The following PKD1L1 variants were observed in gnomAD, a reference collection of about 807,000 sequenced individuals.
PKD1L1 encodes the protein polycystin 1 like 1, transient receptor potential channel interacting.
A neutral mutation model predicts 323.4 loss-of-function variants in PKD1L1; 236 were observed. The ratio of observed to expected loss-of-function variants is 0.73; its 90% CI spans 0.66 to 0.81. PKD1L1 has a LOEUF of 0.81. Ranked by LOEUF, PKD1L1 falls within the 40% of genes least tolerant of loss-of-function variation. The pLI is 0.00. For synonymous variants in PKD1L1, 1,344 were observed against 1,335.0 expected (o/e 1.01, Z -0.15); for missense variants, 3,320 against 3,508.0 (o/e 0.95, Z 1.35).
At chr7:47,842,692 C>T (rs1206963175) in intron 34 of PKD1L1, among the ~76,000 whole-genome samples, 2 of 152,158 alleles carry the variant, frequency 1.3e-5, no homozygotes, top group African/African-American at 4.8e-5. Flanking sequence ...CACTCAGAGA[C>T]AGAACATATC....
the PKD1L1 span, among the ~76,000 whole-genome samples, chr7:47,957,862 A>AATATATATAT: frequency 4.5e-5 from 6 of 134,698 alleles, no homozygotes; most frequent in African/African-American, 1.6e-4. Context: ...ATTAAAAAAA[A>AATATATATAT]ATATATATAT....
At chr7:47,811,249 G>A (rs11767512) in intron 50 of PKD1L1, among the ~76,000 whole-genome samples, 6,498 of 151,744 alleles carry the variant, frequency 0.043, 196 homozygotes, top group Non-Finnish European at 0.069. Context: ...CGCCTCCCAG[G>A]TTCAAGAAAT....
At chr7:47,868,346 G>A (rs1562965499) in intron 24 of PKD1L1, among the ~76,000 whole-genome samples, 1 of 152,086 alleles carries the variant, frequency 6.6e-6, no homozygotes, top group Non-Finnish European at 1.5e-5. Flanking sequence ...TGCAGCCTGG[G>A]CGACAGGGTG....
At chr7:47,862,186 C>T (rs919906636) in intron 26 of PKD1L1, among the ~76,000 whole-genome samples, 7 of 151,778 alleles carry the variant, frequency 4.6e-5, no homozygotes, top group East Asian at 1.9e-4. Flanking sequence ...CAGAGTGAGA[C>T]TCTGTCTGAA....
chr7:47,883,871 T>G (rs1786619864), intron 19 of PKD1L1, among the ~76,000 whole-genome samples: 1 of 152,254 alleles, frequency 6.6e-6, no homozygotes, highest in Non-Finnish European at 1.5e-5. Context: ...AATCATTCAC[T>G]AGACATCCAT....
intron 26 of PKD1L1, among the ~76,000 whole-genome samples, chr7:47,859,598 C>T (rs1172026833): frequency 1.3e-5 from 2 of 151,660 alleles, no homozygotes; most frequent in East Asian, 1.9e-4. Context: ...CCCACCTCAG[C>T]CTCCCAAGTG....
chr7:47,792,536 T>C (rs913975607), intron 56 of PKD1L1, 91 bp downstream of exon 56: 3 of 1,299,342 alleles, frequency 2.3e-6, no homozygotes, highest in Non-Finnish European at 3.2e-6. Flanking sequence ...CAAATGGACC[T>C]TATAATTTGG....
chr7:47,959,417 G>A, the PKD1L1 span, among the ~76,000 whole-genome samples: 1 of 148,628 alleles, frequency 6.7e-6, no homozygotes, highest in Non-Finnish European at 1.5e-5. Context: ...AGGAAGTGAG[G>A]AGCGTCTCTG....
intron 2 of PKD1L1, among the ~76,000 whole-genome samples, chr7:47,942,866 G>A (rs1430336605): frequency 1.3e-5 from 2 of 152,126 alleles, no homozygotes; most frequent in African/African-American, 4.8e-5. Context: ...TACCATCCTG[G>A]CCAGGCGCCG....
Position 47,898,020 on chromosome 7 carries a change from A to G in PKD1L1, c.2239T>C (p.Leu747=), listed in dbSNP as rs1786996139. Residue 747 remains leucine, a synonymous_variant, in exon 14 of 57, where the codon TTG becomes CTG. Transcript: ENST00000289672. The part of the protein sequence containing the change: ...RQTLILPSHT[L]EYGNYTALAK... Reference sequence around the variant, plus strand: ...AGGGCAGTGTAGTTCCCATACTCCAAGGTGTGGCTCGGGAGGATGAGGGTC... The same window carrying G: ...AGGGCAGTGTAGTTCCCATACTCCAGGGTGTGGCTCGGGAGGATGAGGGTC... The G allele has an allele frequency of 1.2e-6, 2 of 1,612,890 alleles. No individual in the cohort carries two copies. Among genetic ancestry groups the G allele is most frequent in the African/African-American group, 1.3e-5 (1 of 74,990 alleles).
At chr7:47,953,891 G>C in the PKD1L1 span, among the ~76,000 whole-genome samples, 2 of 152,214 alleles carry the variant, frequency 1.3e-5, no homozygotes, top group African/African-American at 2.4e-5. Flanking sequence ...ACTCTGTTCT[G>C]GTTCTCACTT....
chr7:47,803,309 G>C lies in PKD1L1; in HGVS notation c.7863C>G (p.Leu2621=), dbSNP rs1248129519. 6.2e-7 allele frequency: 1 copy of C among 1,614,124 alleles called. No individual in the cohort carries two copies. Among genetic ancestry groups the C allele is most frequent in the African/African-American group, 1.3e-5 (1 of 75,032 alleles). ...GAAGATAGACGCATTTTAATGTGAA[G>C]AGGAATAAGAGGATTCCCCGGAGCC... ...ARWLRGILLF[L]FTLKCVYLPG... is the part of the protein sequence containing the mutation. The change falls in exon 53 of 57, where the codon CTC becomes CTG. Residue 2621 remains leucine (L), a synonymous_variant. Transcript: ENST00000289672.
chr7:47,849,718 A>G (rs951366910), intron 31 of PKD1L1, among the ~76,000 whole-genome samples: 1 of 152,224 alleles, frequency 6.6e-6, no homozygotes, highest in African/African-American at 2.4e-5. Flanking sequence ...GTGAAAAGGG[A>G]ATACTTTTAC....
Position 47,821,138 on chromosome 7 carries a change from T to C in PKD1L1, c.6903A>G (p.Ile2301Met). 5.6e-6 allele frequency: 9 copies of C among 1,611,012 alleles called. No individual in the cohort carries two copies. The highest frequency in any genetic ancestry group is 7.6e-6 in the Non-Finnish European group (9 of 1,177,150). ...ATTCATCTTGGGAAAATCTCCCATA[T>C]ATTACACACAAAAGCAGAAGCAGCA... ...ILMLLLLLCV[I>M]YGRFSQDEYS... The change falls in exon 46 of 57, where the codon ATA becomes ATG. Residue 2301 changes from isoleucine (I) to methionine (M), a missense_variant. By Grantham distance (10) the Ile-to-Met change is conservative. Coordinates refer to ENST00000289672, the MANE Select transcript of PKD1L1 (RefSeq NM_138295.5).
intron 26 of PKD1L1, among the ~76,000 whole-genome samples, chr7:47,863,603 TC>T (rs370785207): frequency 6.6e-6 from 1 of 151,780 alleles, no homozygotes; most frequent in African/African-American, 2.4e-5. Context: ...CCACAGAAGG[TC>T]CCCGGCAGGG....
At chr7:47,783,229 ACAGT>A (rs1397586832) in intron 56 of PKD1L1, among the ~76,000 whole-genome samples, 3 of 152,118 alleles carry the variant, frequency 2.0e-5, no homozygotes, top group Admixed American at 2.0e-4. Flanking sequence ...GATCTTTTCC[ACAGT>A]CAAATACTCA....
rs1786796274 is a variant in PKD1L1 at position 47,890,711 on chromosome 7, A to C, written c.2506T>G (p.Ser836Ala). The C allele has an allele frequency of 6.2e-7, 1 of 1,613,286 alleles. No individual in the cohort carries two copies. The highest frequency in any genetic ancestry group is 1.3e-5 in the African/African-American group (1 of 74,882). The stretch of plus-strand genomic sequence containing the variant: ...GCATCCAGTTGGTGTGCAGTGGAGG[A>C]GTCGAAGCAGGGATGTGCTGGGGAG... Reference protein sequence around the residue: ...AGSPAHPCFDSSTAHQLDAAA... With the variant: ...AGSPAHPCFDASTAHQLDAAA... The change falls in exon 16 of 57, where the codon TCC becomes GCC. Residue 836 changes from serine (S) to alanine (A), a missense_variant. Transcript: ENST00000289672.
rs755604575 is a variant in PKD1L1 at position 47,874,014 on chromosome 7, T to C, written c.3785-4A>G. On this transcript the variant is annotated splice_polypyrimidine_tract_variant and splice_region_variant and intron_variant, in intron 23 of 56. Coordinates refer to ENST00000289672, the MANE Select transcript of PKD1L1 (RefSeq NM_138295.5). ...GTGATTTCAGTGGAAACCATGACTGTGAGGGAACATGTCAGAAGAGGGTCA... is the reference window on the plus strand; with the variant it reads ...GTGATTTCAGTGGAAACCATGACTGCGAGGGAACATGTCAGAAGAGGGTCA... The C allele has an allele frequency of 6.3e-7, 1 of 1,582,804 alleles. No homozygotes were observed. The highest frequency in any genetic ancestry group is 2.2e-5 in the East Asian group (1 of 44,712).
At chr7:47,928,954 T>C (rs1361466372) in intron 7 of PKD1L1, among the ~76,000 whole-genome samples, 2 of 152,168 alleles carry the variant, frequency 1.3e-5, no homozygotes, top group African/African-American at 4.8e-5. Flanking sequence ...CCTCACCACA[T>C]CTACCTCACA....
Sources: gnomAD v4.1 joint callset for allele counts (sites outside exome capture counted in the v4.1 genomes callset) on GRCh38, gnomAD v4.1.1 for gene constraint, MANE v1.5 for transcripts, NCBI Gene and HGNC (gene_info 2026-07-23, HGNC 2026-07-21) for gene names.